Variants in ECM2 observed in about 807,000 individuals in gnomAD.
ECM2 encodes the protein extracellular matrix protein 2, female organ and adipocyte specific.
In ECM2, 57 loss-of-function variants were observed where a neutral mutation model predicts 67.5. The ratio of observed to expected loss-of-function variants is 0.84; its 90% CI spans 0.68 to 1.05. The LOEUF (loss-of-function observed/expected upper bound fraction) is 1.05. Among genes scored for constraint, ECM2 ranks in the 50% least tolerant of loss-of-function variants. ECM2 has a pLI of 0.00. For synonymous variants in ECM2, 258 were observed against 294.5 expected (o/e 0.88, Z 1.27); for missense variants, 741 against 822.8 (o/e 0.90, Z 1.22).
In ECM2 at chr9:92,520,633, G is replaced by T. The variant is rs190040127; in HGVS notation, c.292+1942C>A. On this transcript the variant is annotated intron_variant, in intron 2 of 9. Transcript: ENST00000344604. Reference sequence around the variant, plus strand: ...TATATACCCAAAAGAATTGAAAATAGGTGTTGAAAGAAAACTTATATTAAT... The same window carrying T: ...TATATACCCAAAAGAATTGAAAATATGTGTTGAAAGAAAACTTATATTAAT... Among the ~76,000 whole-genome samples the T allele has an allele frequency of 2.6e-5, 4 of 152,244 alleles. No individual in the cohort carries two copies. The East Asian group carries it at 7.7e-4, about 29-fold the overall frequency.
intron 9 of ECM2, among the ~76,000 whole-genome samples, chr9:92,497,707 C>T (rs1435360076): frequency 6.6e-6 from 1 of 151,002 alleles, no homozygotes; most frequent in African/African-American, 2.4e-5. Flanking sequence ...TTTTTTGACC[C>T]CTCCAAATCT....
chr9:92,495,429 A>C lies in ECM2; in HGVS notation c.*886T>G. 1 of 985,322 alleles carries C rather than the reference A, an allele frequency of 1.0e-6. No homozygotes were observed. Among genetic ancestry groups the C allele is most frequent in the Non-Finnish European group, 1.2e-6 (1 of 829,824 alleles). The allele number at this position is 985,322 out of a possible 1,614,324, so 61.0% of individuals were successfully genotyped here. ...GTATTTCAGTAAATTAAGGCAAAGG[A>C]GATAGATGCTATGACCAGTGGTGCA... On this transcript the variant is annotated 3_prime_UTR_variant, in exon 10 of 10. Coordinates refer to ENST00000344604, the MANE Select transcript of ECM2 (RefSeq NM_001393.4).
At chr9:92,501,716 A>G (rs917791583) in intron 8 of ECM2, among the ~76,000 whole-genome samples, 3 of 152,180 alleles carry the variant, frequency 2.0e-5, no homozygotes, top group African/African-American at 7.2e-5. Flanking sequence ...TCAGTGCCAC[A>G]TGCTGCTGAG....
chr9:92,494,029 G>T, downstream of ECM2: 2 of 1,571,776 alleles, frequency 1.3e-6, no homozygotes, highest in South Asian at 2.3e-5. Context: ...CCATTTTTCT[G>T]ACTGCACAGC....
intron 1 of ECM2, among the ~76,000 whole-genome samples, chr9:92,532,016 T>G (rs1310369255): frequency 1.9e-5 from 2 of 105,748 alleles, no homozygotes; most frequent in Admixed American, 8.5e-5. Flanking sequence ...TTATTTAATG[T>G]TTTTTTTTTT....
chr9:92,504,052 A>G (rs1441573788), intron 7 of ECM2, among the ~76,000 whole-genome samples: 1 of 152,250 alleles, frequency 6.6e-6, no homozygotes, highest in Non-Finnish European at 1.5e-5. Flanking sequence ...TGGGAAGCTC[A>G]GGCTCACAGT....
chr9:92,494,005 C>G (rs374607616), downstream of ECM2: 1 of 1,454,842 alleles, frequency 6.9e-7, no homozygotes, highest in African/African-American at 1.4e-5. Flanking sequence ...CCAGTGTGCT[C>G]GTCGCATTGT....
intron 1 of ECM2, among the ~76,000 whole-genome samples, chr9:92,525,134 A>G (rs910139012): frequency 6.6e-6 from 1 of 152,150 alleles, no homozygotes; most frequent in Non-Finnish European, 1.5e-5. Flanking sequence ...AGTAAGGAAC[A>G]TAGCAAGACC....
the ECM2 span, among the ~76,000 whole-genome samples, chr9:92,558,762 G>A: frequency 5.5e-4 from 83 of 152,070 alleles, no homozygotes; most frequent in Non-Finnish European, 1.0e-3. Flanking sequence ...CATCAGGTGG[G>A]GACAGGGCTA....
At chr9:92,503,977 G>A (rs561893612) in intron 7 of ECM2, among the ~76,000 whole-genome samples, 2 of 152,290 alleles carry the variant, frequency 1.3e-5, no homozygotes, top group South Asian at 4.2e-4. Context: ...GCATTTGTGC[G>A]CTTGTATGCC....
chr9:92,553,521 A>T, the ECM2 span, among the ~76,000 whole-genome samples: 4 of 152,098 alleles, frequency 2.6e-5, no homozygotes, highest in African/African-American at 9.7e-5. Flanking sequence ...CACAATATTG[A>T]TTCTACCCAT....
intron 1 of ECM2, among the ~76,000 whole-genome samples, chr9:92,526,245 A>C (rs931252359): frequency 2.0e-5 from 3 of 152,194 alleles, no homozygotes; most frequent in African/African-American, 7.2e-5. Flanking sequence ...AATGTTTGAA[A>C]AGTTAAAAAA....
At chr9:92,494,495 A>T (rs1846262488), downstream of ECM2, among the ~76,000 whole-genome samples, 1 of 152,176 alleles carries the variant, frequency 6.6e-6, no homozygotes, top group African/African-American at 2.4e-5. Flanking sequence ...TTTTCTTCCT[A>T]ACAACCTGCT....
At position 92,512,051 on chromosome 9, in the gene ECM2, T is replaced by A. The variant is rs767046393; in HGVS notation, c.1130A>T (p.Asn377Ile). 1.2e-6 allele frequency: 2 copies of A among 1,613,616 alleles called. No homozygotes were observed. Among genetic ancestry groups the A allele is most frequent in the Non-Finnish European group, 1.7e-6 (2 of 1,179,682 alleles). The stretch of plus-strand genomic sequence containing the variant: ...ACCTATGCCTGAAGAAGTGATATTA[T>A]TTTTACTCAGATCAAGCCTTTCCAA... ...PNLERLDLSK[N>I]NITSSGIGPK... The change falls in exon 5 of 10, where the codon AAT (asparagine) becomes ATT (isoleucine). Residue 377 changes from asparagine (N) to isoleucine (I), a missense_variant. Coordinates refer to ENST00000344604, the MANE Select transcript of ECM2 (RefSeq NM_001393.4).
At chr9:92,545,465 C>T in the ECM2 span, among the ~76,000 whole-genome samples, 6 of 152,320 alleles carry the variant, frequency 3.9e-5, no homozygotes, top group Non-Finnish European at 8.8e-5. Context: ...GATTTCTCGT[C>T]GGGCCTTAGC....
intron 8 of ECM2, among the ~76,000 whole-genome samples, chr9:92,501,358 C>T (rs1217654627): frequency 6.6e-6 from 1 of 152,168 alleles, no homozygotes; most frequent in Admixed American, 6.6e-5. Flanking sequence ...ACTAAAATAT[C>T]TGTACGGTTG....
chr9:92,525,619 G>C (rs905280357), intron 1 of ECM2, among the ~76,000 whole-genome samples: 1 of 152,072 alleles, frequency 6.6e-6, no homozygotes, highest in African/African-American at 2.4e-5. Context: ...GGCTGGGCGC[G>C]GTGGCTCAAG....
Position 92,518,213 on chromosome 9 carries a change from G to A in ECM2, c.293-338C>T, listed in dbSNP as rs1178987326. On this transcript the variant is annotated intron_variant, in intron 2 of 9. Coordinates refer to ENST00000344604, the MANE Select transcript of ECM2 (RefSeq NM_001393.4). ...CTCAGTTATTTTTCATTTATACTTT[G>A]TGTCTAATGTGGGGACACAGGGGCT... Among the ~76,000 whole-genome samples, 3 of 152,106 alleles carry A rather than the reference G, an allele frequency of 2.0e-5. No individual in the cohort carries two copies. The East Asian group carries it at 5.8e-4, about 29-fold the overall frequency.
At chr9:92,547,153 T>C in the ECM2 span, among the ~76,000 whole-genome samples, 2 of 152,174 alleles carry the variant, frequency 1.3e-5, no homozygotes, top group Non-Finnish European at 2.9e-5. Context: ...TCTTAATAGA[T>C]GCAAAAAAAA....
Sources: gnomAD v4.1 joint callset for allele counts (sites outside exome capture counted in the v4.1 genomes callset) on GRCh38, gnomAD v4.1.1 for gene constraint, MANE v1.5 for transcripts, NCBI Gene and HGNC (gene_info 2026-07-23, HGNC 2026-07-21) for gene names.